The following TMEM201 variants were observed in gnomAD, a reference collection of about 807,000 sequenced individuals.
The protein encoded by TMEM201 is RP13-15M17.2.
In TMEM201, 26 loss-of-function variants were observed where a neutral mutation model predicts 63.4. The observed-to-expected ratio is 0.41, with a 90% CI of 0.30 to 0.57. The LOEUF (loss-of-function observed/expected upper bound fraction) is 0.57, where lower values mean the gene tolerates loss of function less well. Ranked by LOEUF, TMEM201 falls within the 20% of genes least tolerant of loss-of-function variation. The pLI is 0.29. For synonymous variants in TMEM201, 417 were observed against 421.6 expected, an observed-to-expected ratio of 0.99 and a Z score of 0.14; for missense variants, 794 against 917.7, an observed-to-expected ratio of 0.87 and a Z score of 1.74.
chr1:9,598,371 G>A, intron 3 of TMEM201, 78 bp from the exon 4 acceptor site: 1 of 1,529,386 alleles, frequency 6.5e-7, no homozygotes, highest in Admixed American at 1.9e-5. Context: ...GTCAGGATCT[G>A]ATTCCACGTC....
At chr1:9,591,770 C>T (rs1643923241) in intron 1 of TMEM201, among the ~76,000 whole-genome samples, 1 of 152,190 alleles carries the variant, frequency 6.6e-6, no homozygotes, top group African/African-American at 2.4e-5. Flanking sequence ...TTTCCAGGCT[C>T]CCCCCTCCCA....
intron 1 of TMEM201, among the ~76,000 whole-genome samples, chr1:9,593,100 G>A (rs529034121): frequency 6.6e-6 from 1 of 152,340 alleles, no homozygotes; most frequent in South Asian, 2.1e-4. Context: ...AAACTTGGGG[G>A]CTTCTCCCAG....
intron 10 of TMEM201, 59 bp downstream of exon 10, chr1:9,611,949 C>A (rs1224360281): frequency 1.8e-5 from 27 of 1,472,536 alleles, no homozygotes; most frequent in Admixed American, 5.0e-5. Context: ...GCCACCATCT[C>A]CCCCAGGGGG....
intron 10 of TMEM201, 114 bp from the exon 11 acceptor site, chr1:9,612,872 G>C (rs1428377534): frequency 1.1e-6 from 1 of 873,474 alleles, no homozygotes; most frequent in African/African-American, 1.7e-5. Context: ...GTCTCAGAGA[G>C]TACCCTGGGC....
Position 9,604,967 on chromosome 1 carries a change from C to T in TMEM201, c.1161-2590C>T. 1.0e-6 allele frequency: 1 copy of T among 985,846 alleles called. No homozygotes were observed. Among genetic ancestry groups the T allele is most frequent in the Non-Finnish European group, 1.2e-6 (1 of 829,974 alleles). The allele number at this position is 985,846 out of a possible 1,614,324, so 61.1% of individuals were successfully genotyped here. ...TGCTTTTACCCGCTGGCGTCAGGTG[C>T]CGCGTCTTTCTTCTTTTTTCTTTCT... On this transcript the variant is annotated intron_variant, in intron 6 of 10. Transcript: ENST00000340381. This position sits in a 1 kb window ranked among gnomAD's most constrained non-coding sequence, Gnocchi z 4.1.
At chr1:9,596,154 C>T in intron 2 of TMEM201, 144 bp downstream of exon 2, 1 of 1,117,138 alleles carries the variant, frequency 9.0e-7, no homozygotes, top group Non-Finnish European at 1.3e-6. Context: ...AGGCCCTGAG[C>T]ATGGTGTTTC....
rs905266351 is a variant in TMEM201 at position 9,603,455 on chromosome 1, C to T, written c.1160+1183C>T. 30 of 985,348 alleles carry T rather than the reference C, an allele frequency of 3.0e-5. No homozygotes were observed. The highest frequency in any genetic ancestry group is 2.5e-4 in the Admixed American group (4 of 16,272). The allele number at this position is 985,348 out of a possible 1,614,324, so 61.0% of individuals were successfully genotyped here. ...CAGTCGAGAGTGGCCCGAGGCCGTC[C>T]CTCACCGGGCATGTTCCCTCTGGCT... On this transcript the variant is annotated intron_variant, in intron 6 of 10. Coordinates refer to ENST00000340381, the MANE Select transcript of TMEM201 (RefSeq NM_001130924.3). The surrounding 1 kb of genome is among the most constrained non-coding windows in gnomAD (Gnocchi z 4.5).
chr1:9,588,957 C>T lies in TMEM201; in HGVS notation c.27C>T (p.Ala9=). The T allele has an allele frequency of 7.9e-7, 1 of 1,273,126 alleles. No homozygotes were observed. The highest frequency in any genetic ancestry group is 1.0e-6 in the Non-Finnish European group (1 of 991,342). 78.9% of individuals were successfully genotyped at this position (1,273,126 alleles called of 1,614,324 possible). Residue 9 remains alanine (A), a synonymous_variant, in exon 1 of 11, where the codon GCC becomes GCT. Transcript: ENST00000340381. The part of the protein sequence containing the change: MEGVSALL[A]RCPTAGLAGG... ...TGGAGGGAGTGAGCGCGCTGCTGGC[C>T]CGCTGCCCCACGGCCGGCCTGGCCG...
rs1229679207 is a variant in TMEM201, at chr1:9,610,599, C to G, written c.1559C>G (p.Ser520Cys). Reference protein sequence around the residue: ...VAGSVASSSGSLRHRRPLISP... With the variant: ...VAGSVASSSGCLRHRRPLISP... ...GGCTCGGTGGCCTCCAGCTCCGGCT[C>G]TCTGCGCCACCGCAGGCCCCTCATC... Residue 520 changes from serine to cysteine, a missense_variant, in exon 9 of 11, where the codon TCT (serine) becomes TGT (cysteine). Physicochemically the swap from Ser to Cys is moderately radical, Grantham distance 112. Coordinates refer to ENST00000340381, the MANE Select transcript of TMEM201 (RefSeq NM_001130924.3). The surrounding 1 kb of genome is among the most constrained non-coding windows in gnomAD (Gnocchi z 4.9). 10 of 1,550,394 alleles carry G rather than the reference C, an allele frequency of 6.4e-6. No homozygotes were observed. Among genetic ancestry groups the G allele is most frequent in the African/African-American group, 2.7e-5 (2 of 73,012 alleles).
At chr1:9,594,022 T>G (rs1417368452) in intron 1 of TMEM201, among the ~76,000 whole-genome samples, 1 of 152,246 alleles carries the variant, frequency 6.6e-6, no homozygotes, top group Non-Finnish European at 1.5e-5. Flanking sequence ...TCCCTGGCTG[T>G]TCATGTAGTC....
At position 9,605,962 on chromosome 1, in the gene TMEM201, G is replaced by T. The variant is rs1315388518; in HGVS notation, c.1161-1595G>T. ...CCTGGTCACCCTTGGCTGACTCTTG[G>T]CTATGTCTGTGCTGCCGGGCAGGGT... is the stretch of plus-strand genomic sequence containing the variant. On this transcript the variant is annotated intron_variant, in intron 6 of 10. Transcript: ENST00000340381. This position sits in a 1 kb window ranked among gnomAD's most constrained non-coding sequence, Gnocchi z 5.7. Among the ~76,000 whole-genome samples, 1 of 152,176 alleles carries T rather than the reference G, an allele frequency of 6.6e-6. No individual in the cohort carries two copies. The highest frequency in any genetic ancestry group is 6.5e-5 in the Admixed American group (1 of 15,284).
intron 3 of TMEM201, 54 bp from the exon 4 acceptor site, chr1:9,598,395 G>A: frequency 6.3e-7 from 1 of 1,575,200 alleles, no homozygotes; most frequent in Non-Finnish European, 8.7e-7. Context: ...CCTGTAAGAT[G>A]GAGGCAGCTC....
At chr1:9,591,345 G>A (rs565772473) in intron 1 of TMEM201, among the ~76,000 whole-genome samples, 16 of 152,338 alleles carry the variant, frequency 1.1e-4, no homozygotes, top group South Asian at 8.3e-4. Flanking sequence ...GCCCTGCCTC[G>A]CACCAGAACT....
rs774480343 is a variant in TMEM201 at position 9,604,077 on chromosome 1, G to C, written c.1160+1805G>C. 286 of 985,348 alleles carry C rather than the reference G, an allele frequency of 2.9e-4. 1 individual carries two copies. The highest frequency in any genetic ancestry group is 5.2e-4 in the Middle Eastern group (1 of 1,936). 61.0% of individuals were successfully genotyped at this position (985,348 alleles called of 1,614,324 possible). A position where few individuals can be genotyped will look rare whatever the true frequency, so the allele number is the denominator to read the frequency against. On this transcript the variant is annotated intron_variant, in intron 6 of 10. Coordinates refer to ENST00000340381, the MANE Select transcript of TMEM201 (RefSeq NM_001130924.3). The surrounding 1 kb of genome is among the most constrained non-coding windows in gnomAD (Gnocchi z 4.1). ...CCCACAAAGAGCCCATCTGAGAGAAGGACGTGGTGGAGCCAGGACGGGAAA... is the reference window on the plus strand; with the variant it reads ...CCCACAAAGAGCCCATCTGAGAGAACGACGTGGTGGAGCCAGGACGGGAAA...
intron 6 of TMEM201, 194 bp downstream of exon 6, chr1:9,602,466 T>C: frequency 7.0e-7 from 1 of 1,428,242 alleles, no homozygotes; most frequent in Non-Finnish European, 9.2e-7. Flanking sequence ...TGCCTTTTCC[T>C]TTCGGGCACC....
intron 1 of TMEM201, among the ~76,000 whole-genome samples, chr1:9,590,662 C>G (rs1643904751): frequency 1.3e-5 from 2 of 152,182 alleles, no homozygotes; most frequent in South Asian, 4.1e-4. Flanking sequence ...TCCTTTCACG[C>G]CCCTGACGAC....
intron 1 of TMEM201, among the ~76,000 whole-genome samples, chr1:9,593,484 C>T (rs934412836): frequency 2.0e-5 from 3 of 152,216 alleles, no homozygotes; most frequent in Non-Finnish European, 2.9e-5. Context: ...CAGGGATTAC[C>T]CAGGGCTGAG....
In TMEM201 at chr1:9,604,705, G is replaced by T; in HGVS notation, c.1160+2433G>T. The T allele has an allele frequency of 1.0e-6, 1 of 985,906 alleles. No homozygotes were observed. The highest frequency in any genetic ancestry group is 5.2e-4 in the Middle Eastern group (1 of 1,914). 61.1% of individuals were successfully genotyped at this position (985,906 alleles called of 1,614,324 possible). A position where few individuals can be genotyped will look rare whatever the true frequency, so the allele number is the denominator to read the frequency against. On this transcript the variant is annotated intron_variant, in intron 6 of 10. Coordinates refer to ENST00000340381, the MANE Select transcript of TMEM201 (RefSeq NM_001130924.3). The surrounding 1 kb of genome is among the most constrained non-coding windows in gnomAD (Gnocchi z 4.1). Reference sequence around the variant, plus strand: ...CCCACCCAGGCCAAGCCGGCCCCCCGTACCCCTTGCCTGGGAGCAAACCGC... The same window carrying T: ...CCCACCCAGGCCAAGCCGGCCCCCCTTACCCCTTGCCTGGGAGCAAACCGC...
At chr1:9,602,693 C>A (rs541484957) in intron 6 of TMEM201, 2 of 1,093,932 alleles carry the variant, frequency 1.8e-6, no homozygotes, top group South Asian at 2.6e-5. Flanking sequence ...GTCTTCCCTT[C>A]TGGCCTCTGC....
Sources: gnomAD v4.1 joint callset for allele counts (sites outside exome capture counted in the v4.1 genomes callset) on GRCh38, gnomAD v4.1.1 for gene constraint, Gnocchi (gnomAD v3.1) non-coding constraint, MANE v1.5 for transcripts, NCBI Gene and HGNC (gene_info 2026-07-23, HGNC 2026-07-21) for gene names.